Variants in UBE3D observed in about 807,000 individuals in gnomAD.
The protein encoded by UBE3D is E3 ubiquitin-protein ligase E3D.
A neutral mutation model predicts 49.6 loss-of-function variants in UBE3D; 48 were observed. The ratio of observed to expected loss-of-function variants is 0.97; its 90% CI spans 0.77 to 1.23. The LOEUF is 1.23. UBE3D is among the 50% of genes most tolerant of loss of function. The pLI, the probability that UBE3D is intolerant of heterozygous loss-of-function variation, is 0.00. For missense variants in UBE3D, 452 were observed against 468.4 expected, an observed-to-expected ratio of 0.96 and a Z score of 0.32; for synonymous variants, 189 against 174.2, an observed-to-expected ratio of 1.08 and a Z score of -0.67.
At chr6:82,989,278 C>T (rs932319809) in intron 8 of UBE3D, among the ~76,000 whole-genome samples, 4 of 152,036 alleles carry the variant, frequency 2.6e-5, no homozygotes, top group Non-Finnish European at 5.9e-5. Context: ...GGAGGCTGTC[C>T]AGATAGCCAC....
intron 9 of UBE3D, 122 bp from the exon 10 acceptor site, chr6:82,893,164 A>G: frequency 1.8e-6 from 2 of 1,142,030 alleles, no homozygotes; most frequent in Non-Finnish European, 2.6e-6. Context: ...TTTAAACAGA[A>G]AAATGACTCT....
chr6:82,956,471 G>C (rs1562119899), intron 9 of UBE3D, among the ~76,000 whole-genome samples: 1 of 152,146 alleles, frequency 6.6e-6, no homozygotes, highest in Non-Finnish European at 1.5e-5. Flanking sequence ...AGTTAGACTA[G>C]GAGAACAAAT....
chr6:82,970,535 T>C (rs1302552883), intron 8 of UBE3D, among the ~76,000 whole-genome samples: 2 of 152,140 alleles, frequency 1.3e-5, no homozygotes, highest in South Asian at 2.1e-4. Context: ...TCAATGACAA[T>C]ATAGTTAAAA....
chr6:82,890,990 G>A (rs79404360), downstream of UBE3D, among the ~76,000 whole-genome samples: 1,343 of 151,410 alleles, frequency 8.9e-3, 21 homozygotes, highest in African/African-American at 0.031. Flanking sequence ...ACATTAGACC[G>A]ATACAAACTG....
At chr6:83,025,882 T>TAA (rs70987730) in intron 5 of UBE3D, among the ~76,000 whole-genome samples, 48 of 90,302 alleles carry the variant, frequency 5.3e-4, no homozygotes, top group East Asian at 3.9e-3. Context: ...GACTCCATCT[T>TAA]AAAAAAAAAA....
intron 8 of UBE3D, among the ~76,000 whole-genome samples, chr6:83,001,093 G>T (rs1042990993): frequency 6.6e-6 from 1 of 151,998 alleles, no homozygotes. Context: ...ATCTGCCAGC[G>T]TTGGCTTCCC....
chr6:83,059,716 A>G (rs530013217), intron 1 of UBE3D, among the ~76,000 whole-genome samples: 1 of 152,252 alleles, frequency 6.6e-6, no homozygotes, highest in Admixed American at 6.5e-5. Context: ...GTGGCCCAGC[A>G]CGGATTTGAG....
intron 9 of UBE3D, among the ~76,000 whole-genome samples, chr6:82,916,026 G>C (rs892137410): frequency 9.9e-5 from 15 of 152,160 alleles, no homozygotes; most frequent in African/African-American, 3.6e-4. Context: ...AAATGGCATA[G>C]TCATAGGGAC....
intron 8 of UBE3D, among the ~76,000 whole-genome samples, chr6:82,995,510 A>ACACACACACACG (rs766604234): frequency 0.022 from 3,346 of 151,642 alleles, 72 homozygotes; most frequent in African/African-American, 0.053. Context: ...ACACACACAC[A>ACACACACACACG]CACACAGTCA....
intron 8 of UBE3D, among the ~76,000 whole-genome samples, chr6:82,976,508 T>C (rs1777727050): frequency 6.6e-6 from 1 of 152,196 alleles, no homozygotes; most frequent in African/African-American, 2.4e-5. Context: ...CTAAACTTCA[T>C]ACTGACATCT....
intron 5 of UBE3D, among the ~76,000 whole-genome samples, chr6:83,026,278 C>A (rs1356669840): frequency 1.3e-5 from 2 of 151,978 alleles, no homozygotes; most frequent in African/African-American, 4.8e-5. Context: ...GACAGCCTGT[C>A]TCTACAAAAA....
At chr6:82,884,440 A>G in the UBE3D span, among the ~76,000 whole-genome samples, 3 of 152,162 alleles carry the variant, frequency 2.0e-5, no homozygotes, top group Non-Finnish European at 2.9e-5. Context: ...GGCACCCTAG[A>G]CATAATTAGA....
chr6:83,016,352 G>A lies in UBE3D; in HGVS notation c.1010+2621C>T, dbSNP rs956744147. ...CTTGCCTCTCATGAGCGGTGAATCA[G>A]GAGTGTCAAATGTATGTATTTTGCA... On this transcript the variant is annotated intron_variant, in intron 8 of 9. Coordinates refer to ENST00000369747, the MANE Select transcript of UBE3D (RefSeq NM_198920.3). 5.3e-5 allele frequency among the ~76,000 whole-genome samples: 8 copies of A among 152,078 alleles called. No homozygotes were observed. In the South Asian group the frequency reaches 1.7e-3, roughly 31 times the overall value.
At chr6:82,918,524 T>C (rs1773094826) in intron 9 of UBE3D, among the ~76,000 whole-genome samples, 1 of 152,200 alleles carries the variant, frequency 6.6e-6, no homozygotes, top group African/African-American at 2.4e-5. Context: ...GACAGGTTCC[T>C]AGTAGCTTAA....
In UBE3D at chr6:82,905,727, T is replaced by C. The variant is rs1772054261; in HGVS notation, c.1150-12685A>G. 2.6e-5 allele frequency among the ~76,000 whole-genome samples: 4 copies of C among 152,154 alleles called. No individual in the cohort carries two copies. The South Asian group carries it at 8.3e-4, about 32-fold the overall frequency. ...CAAGACACAGCTCCTTACTCAAGTC[T>C]AGTCATCCCAGCAGTCCTCCCTCCC... On this transcript the variant is annotated intron_variant, in intron 9 of 9. Coordinates refer to ENST00000369747, the MANE Select transcript of UBE3D (RefSeq NM_198920.3).
chr6:83,057,174 T>C (rs1783869555), intron 2 of UBE3D, among the ~76,000 whole-genome samples: 1 of 152,234 alleles, frequency 6.6e-6, no homozygotes, highest in African/African-American at 2.4e-5. Context: ...CCCACATGGA[T>C]AGGATTTCCT....
At chr6:83,025,849 C>T (rs1309027160) in intron 5 of UBE3D, among the ~76,000 whole-genome samples, 2 of 139,368 alleles carry the variant, frequency 1.4e-5, no homozygotes, top group South Asian at 2.3e-4. Flanking sequence ...TGCCACTGCA[C>T]TCCAGCCTGG....
intron 1 of UBE3D, among the ~76,000 whole-genome samples, chr6:83,060,452 T>C (rs1784104192): frequency 6.6e-6 from 1 of 152,184 alleles, no homozygotes; most frequent in African/African-American, 2.4e-5. Context: ...ATAGATACAG[T>C]AATATTGATG....
At chr6:82,955,068 C>T (rs1034835659) in intron 9 of UBE3D, among the ~76,000 whole-genome samples, 4 of 152,286 alleles carry the variant, frequency 2.6e-5, no homozygotes, top group Non-Finnish European at 4.4e-5. Context: ...TCAGACCGCT[C>T]TAAGAGCTCC....
Sources: allele counts gnomAD v4.1 joint callset (sites outside exome capture counted in the v4.1 genomes callset), GRCh38; gene constraint gnomAD v4.1.1; transcripts MANE v1.5; gene names NCBI Gene and HGNC (gene_info 2026-07-23, HGNC 2026-07-21).